PCDH9: variants seen among roughly 807,000 people sequenced by gnomAD.
PCDH9 encodes the protein protocadherin-9.
Under a neutral mutation model 70.6 loss-of-function variants are expected in PCDH9, and 24 were observed. The ratio of observed to expected loss-of-function variants is 0.34; its 90% confidence interval spans 0.25 to 0.48. PCDH9 has a LOEUF of 0.48. Among genes scored for constraint, PCDH9 ranks in the 20% least tolerant of loss-of-function variants. The pLI is 0.99. For synonymous variants in PCDH9, 562 were observed against 558.5 expected (o/e 1.01, Z -0.09); for missense variants, 1,281 against 1,503.6 (o/e 0.85, Z 2.45).
intron 4 of PCDH9, among the ~76,000 whole-genome samples, chr13:66,353,155 A>T (rs1293966675): frequency 1.3e-4 from 20 of 152,178 alleles, no homozygotes; most frequent in Non-Finnish European, 2.4e-4. Context: ...TTGTGATCTA[A>T]GTATAGTTTC....
At chr13:66,760,805 C>T (rs572819633) in intron 3 of PCDH9, among the ~76,000 whole-genome samples, 99 of 152,156 alleles carry the variant, frequency 6.5e-4, no homozygotes, top group African/African-American at 2.3e-3. Context: ...AGAATGCATT[C>T]CCAGGGGGAG....
chr13:66,839,531 G>T (rs1487551665), intron 3 of PCDH9, among the ~76,000 whole-genome samples: 1 of 152,136 alleles, frequency 6.6e-6, no homozygotes, highest in Non-Finnish European at 1.5e-5. Context: ...ACTTGCAGTG[G>T]CCTTTGCCAT....
chr13:66,509,101 C>T (rs1204623459), intron 4 of PCDH9, among the ~76,000 whole-genome samples: 1 of 152,200 alleles, frequency 6.6e-6, no homozygotes, highest in East Asian at 1.9e-4. Context: ...CACGGGCATA[C>T]ACTGTGACTG....
At chr13:66,847,097 C>T (rs551979293) in intron 3 of PCDH9, among the ~76,000 whole-genome samples, 1 of 152,208 alleles carries the variant, frequency 6.6e-6, no homozygotes, top group South Asian at 2.1e-4. Flanking sequence ...GTTGAATACA[C>T]TAAACCTATT....
At chr13:66,826,580 C>A (rs1448008518) in intron 3 of PCDH9, among the ~76,000 whole-genome samples, 4 of 152,062 alleles carry the variant, frequency 2.6e-5, no homozygotes, top group Admixed American at 6.5e-5. Flanking sequence ...CTTGCCAGTA[C>A]TGTGAATCCA....
intron 2 of PCDH9, among the ~76,000 whole-genome samples, chr13:66,949,609 A>G (rs2083144768): frequency 6.6e-6 from 1 of 152,018 alleles, no homozygotes. Flanking sequence ...TGCATCTCGG[A>G]GGCTTTTTTG....
chr13:66,545,551 A>G (rs1671953018), intron 4 of PCDH9, among the ~76,000 whole-genome samples: 2 of 152,172 alleles, frequency 1.3e-5, no homozygotes, highest in Admixed American at 1.3e-4. Context: ...ATGACAGACC[A>G]CGTCTATAAC....
chr13:66,443,975 C>T (rs562143523), intron 4 of PCDH9, among the ~76,000 whole-genome samples: 1 of 152,168 alleles, frequency 6.6e-6, no homozygotes, highest in East Asian at 1.9e-4. Context: ...TTTCAGAAGG[C>T]AATGACTTGG....
intron 4 of PCDH9, among the ~76,000 whole-genome samples, chr13:66,555,091 C>A (rs1961668894): frequency 6.6e-6 from 1 of 152,186 alleles, no homozygotes; most frequent in South Asian, 2.1e-4. Flanking sequence ...ATTGCTTGAA[C>A]CCGGGAGGCG....
At chr13:66,621,683 G>A (rs1442818151) in intron 4 of PCDH9, among the ~76,000 whole-genome samples, 1 of 152,126 alleles carries the variant, frequency 6.6e-6, no homozygotes, top group African/African-American at 2.4e-5. Flanking sequence ...TATTAATCTA[G>A]TACCAAAGAC....
At chr13:66,322,213 C>T (rs948153438) in intron 4 of PCDH9, among the ~76,000 whole-genome samples, 1 of 151,868 alleles carries the variant, frequency 6.6e-6, no homozygotes, top group Non-Finnish European at 1.5e-5. Flanking sequence ...ACTCAAGTCC[C>T]TAACAAAATA....
chr13:66,438,730 G>A (rs971959127), intron 4 of PCDH9, among the ~76,000 whole-genome samples: 3 of 152,062 alleles, frequency 2.0e-5, no homozygotes, highest in African/African-American at 7.2e-5. Context: ...TGAAGGAGGT[G>A]GTCTAAAATA....
At chr13:66,453,493 T>C (rs1202055881) in intron 4 of PCDH9, among the ~76,000 whole-genome samples, 1 of 149,852 alleles carries the variant, frequency 6.7e-6, no homozygotes, top group Non-Finnish European at 1.5e-5. Flanking sequence ...AGGAAATCAC[T>C]AGCTTCTTTA....
At chr13:66,498,337 G>A (rs1324939372) in intron 4 of PCDH9, among the ~76,000 whole-genome samples, 1 of 151,700 alleles carries the variant, frequency 6.6e-6, no homozygotes, top group Non-Finnish European at 1.5e-5. Flanking sequence ...TAGAGACGGG[G>A]TTTCACCGTG....
intron 2 of PCDH9, among the ~76,000 whole-genome samples, chr13:67,065,918 A>G (rs2085637804): frequency 6.6e-6 from 1 of 152,286 alleles, no homozygotes; most frequent in Non-Finnish European, 1.5e-5. Context: ...CATGTTTTGA[A>G]AGACTAAGAT....
At chr13:66,986,819 G>A (rs2083900595) in intron 2 of PCDH9, among the ~76,000 whole-genome samples, 1 of 151,750 alleles carries the variant, frequency 6.6e-6, no homozygotes, top group Non-Finnish European at 1.5e-5. Flanking sequence ...TTTTTAAAGT[G>A]TTTAAAATAA....
intron 4 of PCDH9, among the ~76,000 whole-genome samples, chr13:66,355,957 C>T (rs752555708): frequency 4.6e-5 from 7 of 151,994 alleles, no homozygotes; most frequent in Non-Finnish European, 1.0e-4. Context: ...TAGGTGTCTA[C>T]CCCAAATGAC....
intron 4 of PCDH9, among the ~76,000 whole-genome samples, chr13:66,581,938 G>A (rs988216731): frequency 3.3e-5 from 5 of 152,080 alleles, no homozygotes; most frequent in African/African-American, 9.7e-5. Context: ...ATGGAACACA[G>A]GATCTGCTAA....
At chr13:66,370,259 C>T (rs1956622009) in intron 4 of PCDH9, among the ~76,000 whole-genome samples, 1 of 151,928 alleles carries the variant, frequency 6.6e-6, no homozygotes, top group Admixed American at 6.6e-5. Context: ...AAAATAGAGT[C>T]CCTGTCTCCC....
Sources: allele counts gnomAD v4.1 joint callset (sites outside exome capture counted in the v4.1 genomes callset), GRCh38; gene constraint gnomAD v4.1.1; transcripts MANE v1.5; gene names NCBI Gene and HGNC (gene_info 2026-07-23, HGNC 2026-07-21).